The following COL6A6 variants were observed in gnomAD, a reference collection of about 807,000 sequenced individuals.
COL6A6 encodes the protein collagen type VI alpha 6 chain.
COL6A6 carries 183 observed loss-of-function variants against 208.6 expected under a neutral mutation model. The ratio of observed to expected loss-of-function variants is 0.88; its 90% CI spans 0.78 to 0.99. The LOEUF is 0.99. Among genes scored for constraint, COL6A6 ranks in the 50% least tolerant of loss-of-function variants. The pLI, the probability that COL6A6 is intolerant of heterozygous loss-of-function variation, is 0.00. For missense variants in COL6A6, 2,816 were observed against 2,815.2 expected (o/e 1.00, Z -0.01); for synonymous variants, 973 against 1,011.8 (o/e 0.96, Z 0.73).
chr3:130,584,591 C>A (rs890490884), intron 10 of COL6A6, among the ~76,000 whole-genome samples: 5 of 151,868 alleles, frequency 3.3e-5, no homozygotes, highest in South Asian at 2.1e-4. Context: ...TTTGTTCTTT[C>A]TTTTTTTATT....
rs576738784 is a variant in COL6A6 at position 130,661,513 on chromosome 3, TTAAAG to T, written c.5831-121_5831-117del. The T allele has an allele frequency of 6.2e-4, 454 of 734,938 alleles. 1 individual carries two copies. In the African/African-American group the frequency reaches 7.4e-3, roughly 12 times the overall value. 45.5% of individuals were successfully genotyped at this position (734,938 alleles called of 1,614,324 possible). A position where few individuals can be genotyped will look rare whatever the true frequency, so the allele number is the denominator to read the frequency against. ...GTACTAGGAAATCTTCCTGTTACTATTAAAGTATTTAGTCACTATTTTAACATCAA... is the reference window on the plus strand; with the variant it reads ...GTACTAGGAAATCTTCCTGTTACTATTATTTAGTCACTATTTTAACATCAA... On this transcript the variant is annotated intron_variant, in intron 34 of 36. Transcript: ENST00000358511.
At chr3:130,558,345 AAGTC>A (rs2062812084) in intron 1 of COL6A6, among the ~76,000 whole-genome samples, 1 of 152,088 alleles carries the variant, frequency 6.6e-6, no homozygotes, top group African/African-American at 2.4e-5. Context: ...TGCACACACA[AAGTC>A]AGGCACACAC....
chr3:130,543,417 TTTTTATCTTCCATTCTTTG>T (rs1449260983), intron 1 of COL6A6, among the ~76,000 whole-genome samples: 1 of 152,206 alleles, frequency 6.6e-6, no homozygotes. Flanking sequence ...TTTGTTCCTA[TTTTTATCTTCCATTCTTTG>T]TCTATCTTTT....
Position 130,673,483 on chromosome 3 carries a change from C to T in COL6A6, c.6597-1719C>T, listed in dbSNP as rs548491180. ...AAAGGCGGGGAGGTGGGGAGAGGTG[C>T]GGGGTAGGGGGACGCAGCGTGAAGG... On this transcript the variant is annotated intron_variant, in intron 36 of 36. Coordinates refer to ENST00000358511, the MANE Select transcript of COL6A6 (RefSeq NM_001102608.3). Among the ~76,000 whole-genome samples, 90 of 130,544 alleles carry T rather than the reference C, an allele frequency of 6.9e-4. 1 individual carries two copies. Among genetic ancestry groups the T allele is most frequent in the Middle Eastern group, 3.6e-3 (1 of 278 alleles). The allele number at this position is 130,544 out of a possible 152,430, so 85.6% of individuals were successfully genotyped here. A position where few individuals can be genotyped will look rare whatever the true frequency, so the allele number is the denominator to read the frequency against.
intron 1 of COL6A6, among the ~76,000 whole-genome samples, chr3:130,553,473 A>G (rs2062693939): frequency 6.6e-6 from 1 of 152,230 alleles, no homozygotes; most frequent in Non-Finnish European, 1.5e-5. Flanking sequence ...TGAAATTCCT[A>G]AAGTGAGTTT....
At chr3:130,543,377 G>A (rs373494405) in intron 1 of COL6A6, among the ~76,000 whole-genome samples, 10 of 152,104 alleles carry the variant, frequency 6.6e-5, no homozygotes, top group African/African-American at 1.9e-4. Context: ...TACCATATTT[G>A]TTACTTGTTT....
At chr3:130,538,520 T>A (rs1053316662) in intron 1 of COL6A6, among the ~76,000 whole-genome samples, 8 of 152,230 alleles carry the variant, frequency 5.3e-5, no homozygotes, top group African/African-American at 1.7e-4. Context: ...CCAACTCGTT[T>A]ACACACATCA....
At chr3:130,650,969 C>T (rs2065625558) in intron 33 of COL6A6, among the ~76,000 whole-genome samples, 4 of 152,288 alleles carry the variant, frequency 2.6e-5, no homozygotes, top group African/African-American at 9.6e-5. Flanking sequence ...GCCATTTCCA[C>T]TGTTCTAAAT....
At chr3:130,619,147 C>T (rs934444406) in intron 23 of COL6A6, among the ~76,000 whole-genome samples, 3 of 152,166 alleles carry the variant, frequency 2.0e-5, no homozygotes, top group Admixed American at 6.5e-5. Flanking sequence ...ATAGGACGTG[C>T]CCGTTAAAGA....
chr3:130,653,087 A>G (rs1344791688), intron 33 of COL6A6, among the ~76,000 whole-genome samples: 2 of 152,164 alleles, frequency 1.3e-5, no homozygotes, highest in Admixed American at 6.5e-5. Flanking sequence ...ATGGAAAAAC[A>G]TGTTTTTTGT....
Position 130,531,050 on chromosome 3 carries a change from A to T in COL6A6, c.-32+13653A>T, listed in dbSNP as rs1313696364. Among the ~76,000 whole-genome samples, 856 of 86,464 alleles carry T rather than the reference A, an allele frequency of 9.9e-3. 12 individuals are homozygous for T. The highest frequency in any genetic ancestry group is 0.036 in the African/African-American group (768 of 21,544). 56.7% of individuals were successfully genotyped at this position (86,464 alleles called of 152,430 possible). A position where few individuals can be genotyped will look rare whatever the true frequency, so the allele number is the denominator to read the frequency against. ...CACACACACACACAGACACACACAC[A>T]CACACACACAGTCTCTCTCTCTCTC... On this transcript the variant is annotated intron_variant, in intron 1 of 36. Coordinates refer to ENST00000358511, the MANE Select transcript of COL6A6 (RefSeq NM_001102608.3).
intron 36 of COL6A6, among the ~76,000 whole-genome samples, chr3:130,666,109 T>A (rs946437158): frequency 3.3e-5 from 5 of 152,152 alleles, no homozygotes; most frequent in African/African-American, 4.8e-5. Flanking sequence ...GTTTATAGGA[T>A]TCATATCATG....
intron 1 of COL6A6, among the ~76,000 whole-genome samples, chr3:130,529,978 G>C (rs2107697592): frequency 6.6e-6 from 1 of 152,302 alleles, no homozygotes; most frequent in Non-Finnish European, 1.5e-5. Context: ...TTCCGTATTA[G>C]CATCACCTGG....
chr3:130,671,463 T>C (rs2066213395), intron 36 of COL6A6, among the ~76,000 whole-genome samples: 1 of 152,172 alleles, frequency 6.6e-6, no homozygotes, highest in South Asian at 2.1e-4. Flanking sequence ...GGCTGGGGCA[T>C]CAAGGAATTG....
rs201919126 is a variant in COL6A6, at chr3:130,581,569, G to A, written c.3556G>A (p.Val1186Met). The A allele has an allele frequency of 1.2e-4, 193 of 1,604,452 alleles. No homozygotes were observed. In the African/African-American group the frequency reaches 1.9e-3, roughly 16 times the overall value. The change falls in exon 9 of 37, where the codon GTG becomes ATG. Residue 1186 changes from valine (V) to methionine (M), a missense_variant. Transcript: ENST00000358511. ...CTTAGESNCF[V>M]DVVVGFDVST... Reference sequence around the variant, plus strand: ...TTTCCTTTGAATCCTAGACTGTTTCGTGGATGTTGTGGTGGGATTTGATGT... The same window carrying A: ...TTTCCTTTGAATCCTAGACTGTTTCATGGATGTTGTGGTGGGATTTGATGT...
At chr3:130,658,343 G>A (rs1010630128) in intron 33 of COL6A6, among the ~76,000 whole-genome samples, 9 of 152,208 alleles carry the variant, frequency 5.9e-5, no homozygotes, top group African/African-American at 2.2e-4. Context: ...ATATGAAAAT[G>A]TTTTGTGATC....
chr3:130,619,641 G>A (rs1005032906), intron 23 of COL6A6, among the ~76,000 whole-genome samples: 1 of 152,198 alleles, frequency 6.6e-6, no homozygotes, highest in Non-Finnish European at 1.5e-5. Flanking sequence ...GCTACAGTTA[G>A]GAGAGCCAAG....
chr3:130,555,656 A>T (rs1435339185), intron 1 of COL6A6, among the ~76,000 whole-genome samples: 7 of 152,164 alleles, frequency 4.6e-5, no homozygotes, highest in Non-Finnish European at 1.0e-4. Flanking sequence ...CCAGATTTTT[A>T]AAATATATCT....
chr3:130,650,130 G>A (rs1212989271), intron 33 of COL6A6, among the ~76,000 whole-genome samples: 1 of 152,096 alleles, frequency 6.6e-6, no homozygotes, highest in Non-Finnish European at 1.5e-5. Context: ...AAATTCCCTG[G>A]GATTAAGATG....
Sources: gnomAD v4.1 joint callset for allele counts (sites outside exome capture counted in the v4.1 genomes callset) on GRCh38, gnomAD v4.1.1 for gene constraint, MANE v1.5 for transcripts, NCBI Gene and HGNC (gene_info 2026-07-23, HGNC 2026-07-21) for gene names.